The following FGF14 variants were observed in gnomAD, a reference collection of about 807,000 sequenced individuals.
FGF14 encodes fibroblast growth factor homologous factor 4.
In FGF14, 5 loss-of-function variants were observed where a neutral mutation model predicts 25.5. The observed-to-expected ratio is 0.20, with a 90% CI of 0.10 to 0.41. The LOEUF is 0.41. FGF14 is among the 10% of genes least tolerant of loss of function. The pLI is 1.00. For synonymous variants in FGF14, 138 were observed against 118.3 expected (o/e 1.17, Z -1.08); for missense variants, 222 against 320.1 (o/e 0.69, Z 2.34).
intron 3 of FGF14, among the ~76,000 whole-genome samples, chr13:101,791,408 T>C (rs9557737): frequency 0.94 from 142,452 of 152,194 alleles, 67,369 homozygotes; most frequent in East Asian, 1. Flanking sequence ...TTTGTAAGTT[T>C]TGAAGTCTCA....
At chr13:102,284,957 CTT>C (rs2141232697) in intron 1 of FGF14, among the ~76,000 whole-genome samples, 1 of 152,108 alleles carries the variant, frequency 6.6e-6, no homozygotes, top group Admixed American at 6.6e-5. Flanking sequence ...CCCTCTTTCT[CTT>C]TCTCACCACT....
intron 1 of FGF14, among the ~76,000 whole-genome samples, chr13:102,348,895 C>G (rs1390845635): frequency 6.6e-6 from 1 of 152,138 alleles, no homozygotes; most frequent in Admixed American, 6.5e-5. Flanking sequence ...CAAAAAGGTA[C>G]TTCTTACTCA....
chr13:102,103,466 G>GTT lies in FGF14; in HGVS notation c.209-228171_209-228170insAA, dbSNP rs1253228039. ...TTTGTTTTTTATGAACTGAGCCCCTGATTTTTTTTGTCTAATGGTACAGTG... is the reference window on the plus strand; with the variant it reads ...TTTGTTTTTTATGAACTGAGCCCCTGTTATTTTTTTTGTCTAATGGTACAGTG... On this transcript the variant is annotated intron_variant, in intron 1 of 4. Coordinates refer to the FGF14 transcript ENST00000376131. 1.4e-4 allele frequency among the ~76,000 whole-genome samples: 4 copies of GTT among 29,012 alleles called. No individual in the cohort carries two copies. In the East Asian group the frequency reaches 0.054, roughly 389 times the overall value. The allele number at this position is 29,012 out of a possible 152,430, so 19.0% of individuals were successfully genotyped here. A position where few individuals can be genotyped will look rare whatever the true frequency, so the allele number is the denominator to read the frequency against.
chr13:102,387,887 G>A (rs1444585480), intron 1 of FGF14, among the ~76,000 whole-genome samples: 4 of 152,022 alleles, frequency 2.6e-5, no homozygotes, highest in East Asian at 1.9e-4. Flanking sequence ...ATACTACCAC[G>A]CCCGGCTAAT....
At chr13:101,821,081 T>G (rs1268827739) in intron 3 of FGF14, among the ~76,000 whole-genome samples, 1 of 148,520 alleles carries the variant, frequency 6.7e-6, no homozygotes, top group Non-Finnish European at 1.5e-5. Flanking sequence ...CCCAAGTAGC[T>G]GGGAGTACAG....
intron 3 of FGF14, among the ~76,000 whole-genome samples, chr13:101,841,592 T>C (rs1199748292): frequency 2.6e-5 from 4 of 152,026 alleles, no homozygotes; most frequent in African/African-American, 7.2e-5. Flanking sequence ...AACCTAAGAC[T>C]AGCAAGAAAA....
chr13:101,976,348 T>C (rs1350778417), intron 1 of FGF14, among the ~76,000 whole-genome samples: 7 of 152,244 alleles, frequency 4.6e-5, no homozygotes, highest in African/African-American at 1.7e-4. Context: ...TAAGCATTGA[T>C]GCGCTAGCAA....
intron 1 of FGF14, among the ~76,000 whole-genome samples, chr13:101,947,849 A>G (rs908979379): frequency 2.0e-5 from 3 of 152,228 alleles, no homozygotes; most frequent in Non-Finnish European, 4.4e-5. Context: ...GAAGAAAAAA[A>G]TTGTTGTTTC....
At chr13:101,821,287 G>A (rs545308488) in intron 3 of FGF14, among the ~76,000 whole-genome samples, 1 of 152,188 alleles carries the variant, frequency 6.6e-6, no homozygotes, top group South Asian at 2.1e-4. Context: ...CATATTGATC[G>A]TGCAGCATTT....
chr13:101,911,385 T>C (rs1226744120), intron 1 of FGF14, among the ~76,000 whole-genome samples: 1 of 152,166 alleles, frequency 6.6e-6, no homozygotes, highest in Non-Finnish European at 1.5e-5. Flanking sequence ...TATTAATATA[T>C]GTAAACTCAA....
chr13:101,752,506 T>C (rs949964114), intron 3 of FGF14, among the ~76,000 whole-genome samples: 33 of 152,226 alleles, frequency 2.2e-4, no homozygotes, highest in African/African-American at 7.5e-4. Flanking sequence ...TGAATGATGA[T>C]ATTAAATGAA....
intron 1 of FGF14, among the ~76,000 whole-genome samples, chr13:102,086,675 A>G (rs1473075031): frequency 6.6e-6 from 1 of 152,266 alleles, no homozygotes; most frequent in Non-Finnish European, 1.5e-5. Context: ...CACCTATGCT[A>G]GAACCGCTAT....
chr13:102,017,399 T>C (rs1454781499), intron 1 of FGF14, among the ~76,000 whole-genome samples: 3 of 152,198 alleles, frequency 2.0e-5, no homozygotes, highest in African/African-American at 4.8e-5. Context: ...GAATCTAGGA[T>C]TAAAGCCTTT....
chr13:101,843,060 G>A (rs2043270048), intron 3 of FGF14, among the ~76,000 whole-genome samples: 1 of 152,044 alleles, frequency 6.6e-6, no homozygotes, highest in Non-Finnish European at 1.5e-5. Context: ...CCTGTAGTGT[G>A]GCTGGGTGTA....
intron 1 of FGF14, among the ~76,000 whole-genome samples, chr13:101,936,599 T>C (rs1413571603): frequency 1.3e-5 from 2 of 152,152 alleles, no homozygotes; most frequent in Non-Finnish European, 2.9e-5. Flanking sequence ...TTCCAAAAGA[T>C]CTAGAATGTA....
At position 102,032,095 on chromosome 13, in the gene FGF14, C is replaced by T. The variant is rs545672338; in HGVS notation, c.209-156799G>A. On this transcript the variant is annotated intron_variant, in intron 1 of 4. Transcript: ENST00000376131. ...AACATGAAGATACTGATGACTGACTCCAAAACTCCTGCTGGCCCACAGCTC... is the reference window on the plus strand; with the variant it reads ...AACATGAAGATACTGATGACTGACTTCAAAACTCCTGCTGGCCCACAGCTC... Among the ~76,000 whole-genome samples, 3 of 152,224 alleles carry T rather than the reference C, an allele frequency of 2.0e-5. No homozygotes were observed. In the East Asian group the frequency reaches 5.8e-4, roughly 30 times the overall value.
intron 1 of FGF14, among the ~76,000 whole-genome samples, chr13:102,127,659 G>C (rs920210680): frequency 1.3e-5 from 2 of 152,000 alleles, no homozygotes; most frequent in African/African-American, 4.8e-5. Flanking sequence ...TATTCTTTTT[G>C]TTACAAGTGT....
At chr13:102,250,361 G>T (rs2052107571) in intron 1 of FGF14, among the ~76,000 whole-genome samples, 1 of 152,160 alleles carries the variant, frequency 6.6e-6, no homozygotes, top group African/African-American at 2.4e-5. Flanking sequence ...CTTAATTTTT[G>T]CACAGTATAT....
chr13:101,733,004 C>T (rs1236717572), intron 3 of FGF14, among the ~76,000 whole-genome samples: 2 of 152,218 alleles, frequency 1.3e-5, no homozygotes, highest in East Asian at 3.9e-4. Flanking sequence ...TTTAATGCTA[C>T]TATTCTGACA....
Sources: gnomAD v4.1 joint callset for allele counts (sites outside exome capture counted in the v4.1 genomes callset) on GRCh38, gnomAD v4.1.1 for gene constraint, MANE v1.5 for transcripts, NCBI Gene and HGNC (gene_info 2026-07-23, HGNC 2026-07-21) for gene names.